MAGI2: variants seen among roughly 807,000 people sequenced by gnomAD.
MAGI2 encodes membrane associated guanylate kinase, WW and PDZ domain containing 2.
A neutral mutation model predicts 133.3 loss-of-function variants in MAGI2; 35 were observed. The ratio of observed to expected loss-of-function variants is 0.26; its 90% CI spans 0.20 to 0.35. The LOEUF is 0.35. MAGI2 is among the 10% of genes least tolerant of loss of function. The pLI is 1.00. For missense variants in MAGI2, 1,636 were observed against 1,863.4 expected (o/e 0.88, Z 2.25); for synonymous variants, 729 against 710.6 (o/e 1.03, Z -0.41).
intron 1 of MAGI2, among the ~76,000 whole-genome samples, chr7:79,010,037 T>C (rs548841783): frequency 7.9e-5 from 12 of 152,100 alleles, no homozygotes; most frequent in South Asian, 2.1e-4. Flanking sequence ...AAAACACACA[T>C]ATATATATAC....
At chr7:79,350,135 C>T (rs1841594389) in intron 1 of MAGI2, among the ~76,000 whole-genome samples, 1 of 152,060 alleles carries the variant, frequency 6.6e-6, no homozygotes, top group Admixed American at 6.6e-5. Context: ...CACTTAAAAT[C>T]AGACCACTGC....
intron 1 of MAGI2, among the ~76,000 whole-genome samples, chr7:79,060,111 A>G (rs1813583331): frequency 6.6e-6 from 1 of 152,102 alleles, no homozygotes; most frequent in Non-Finnish European, 1.5e-5. Context: ...TGCAAAATTA[A>G]TGATGACCCC....
At chr7:78,404,029 A>G (rs889212881) in intron 6 of MAGI2, among the ~76,000 whole-genome samples, 4 of 152,124 alleles carry the variant, frequency 2.6e-5, no homozygotes, top group African/African-American at 9.7e-5. Context: ...TAACAGACAA[A>G]CAGAGAGCCA....
intron 14 of MAGI2, among the ~76,000 whole-genome samples, chr7:78,172,931 T>G (rs928134680): frequency 2.6e-5 from 4 of 152,252 alleles, no homozygotes; most frequent in African/African-American, 7.2e-5. Flanking sequence ...TTTTCAGGAC[T>G]AATTTTTTGG....
intron 1 of MAGI2, among the ~76,000 whole-genome samples, chr7:79,356,397 G>C (rs1326722939): frequency 6.6e-6 from 1 of 152,128 alleles, no homozygotes; most frequent in Non-Finnish European, 1.5e-5. Flanking sequence ...TATTCAGTAA[G>C]TCACGACTTC....
chr7:78,272,192 C>T (rs1177172676), intron 9 of MAGI2, among the ~76,000 whole-genome samples: 1 of 152,130 alleles, frequency 6.6e-6, no homozygotes. Context: ...GCCTTCATTT[C>T]GTTATTTACC....
At chr7:79,106,759 T>G (rs1818487692) in intron 1 of MAGI2, among the ~76,000 whole-genome samples, 1 of 152,218 alleles carries the variant, frequency 6.6e-6, no homozygotes, top group Admixed American at 6.5e-5. Context: ...GTTCTCTAAG[T>G]GTTTAAGAAA....
chr7:79,138,007 G>T (rs1364135155), intron 1 of MAGI2, among the ~76,000 whole-genome samples: 1 of 152,158 alleles, frequency 6.6e-6, no homozygotes, highest in African/African-American at 2.4e-5. Flanking sequence ...GAGCTTTGAA[G>T]ATGGTGGAAG....
chr7:79,322,992 T>A (rs1190744391), intron 1 of MAGI2, among the ~76,000 whole-genome samples: 1 of 151,930 alleles, frequency 6.6e-6, no homozygotes, highest in Admixed American at 6.6e-5. Flanking sequence ...GCATGCACCA[T>A]TACTCCTCAG....
chr7:78,372,940 G>A (rs577292603), intron 6 of MAGI2, among the ~76,000 whole-genome samples: 1 of 152,186 alleles, frequency 6.6e-6, no homozygotes, highest in South Asian at 2.1e-4. Context: ...GCACTGAGAA[G>A]GGCACAGCTT....
intron 6 of MAGI2, among the ~76,000 whole-genome samples, chr7:78,442,676 A>G (rs974791587): frequency 3.3e-5 from 5 of 152,190 alleles, no homozygotes; most frequent in Non-Finnish European, 7.3e-5. Flanking sequence ...TAATCCCCTA[A>G]ATAACAAGCT....
chr7:78,597,376 G>T (rs1006700653), intron 3 of MAGI2, among the ~76,000 whole-genome samples: 3 of 19,164 alleles, frequency 1.6e-4, no homozygotes, highest in South Asian at 1.2e-3. Flanking sequence ...GAATTCCTTG[G>T]GGGGGGGGGT....
chr7:78,549,551 A>T (rs1423650346), intron 3 of MAGI2, among the ~76,000 whole-genome samples: 2 of 152,100 alleles, frequency 1.3e-5, no homozygotes, highest in Non-Finnish European at 2.9e-5. Context: ...GAGATGGCTC[A>T]TAGTGCTCCA....
intron 7 of MAGI2, among the ~76,000 whole-genome samples, chr7:78,364,294 C>T (rs1793152061): frequency 6.6e-6 from 1 of 151,672 alleles, no homozygotes; most frequent in Non-Finnish European, 1.5e-5. Flanking sequence ...AACTTTTTTT[C>T]CTAGAAAATT....
intron 1 of MAGI2, among the ~76,000 whole-genome samples, chr7:79,044,216 A>T (rs570292848): frequency 9.2e-5 from 14 of 152,214 alleles, no homozygotes; most frequent in Non-Finnish European, 1.3e-4. Context: ...GCAGCACATA[A>T]AAAAGATAAT....
intron 11 of MAGI2, among the ~76,000 whole-genome samples, chr7:78,199,911 C>A (rs185711140): frequency 6.6e-6 from 1 of 152,286 alleles, no homozygotes; most frequent in Admixed American, 6.5e-5. Context: ...ATAATTGTAG[C>A]ACCATGATGA....
intron 2 of MAGI2, among the ~76,000 whole-genome samples, chr7:78,909,677 T>C (rs993895311): frequency 2.6e-5 from 4 of 151,574 alleles, no homozygotes; most frequent in Non-Finnish European, 4.4e-5. Flanking sequence ...GGAACACTTT[T>C]ACACTATTGG....
intron 2 of MAGI2, among the ~76,000 whole-genome samples, chr7:78,816,778 C>A (rs117343543): frequency 2.0e-5 from 3 of 152,164 alleles, no homozygotes; most frequent in African/African-American, 4.8e-5. Context: ...ATTGACAATG[C>A]ACTTGGTCAC....
chr7:78,729,124 T>C lies in MAGI2; in HGVS notation c.419-101885A>G, dbSNP rs1821122534. ...CTTTACAATGTGTTAGATATTTTACTCACTCAAGATCTTGTGATTAAAAAT... is the reference window on the plus strand; with the variant it reads ...CTTTACAATGTGTTAGATATTTTACCCACTCAAGATCTTGTGATTAAAAAT... On this transcript the variant is annotated intron_variant, in intron 2 of 21. Coordinates refer to ENST00000354212, the MANE Select transcript of MAGI2 (RefSeq NM_012301.4). 1.3e-5 allele frequency among the ~76,000 whole-genome samples: 2 copies of C among 152,214 alleles called. 1 individual carries two copies. The highest frequency in any genetic ancestry group is 4.1e-4 in the South Asian group (2 of 4,830).
Sources: gnomAD v4.1 joint callset for allele counts (sites outside exome capture counted in the v4.1 genomes callset) on GRCh38, gnomAD v4.1.1 for gene constraint, MANE v1.5 for transcripts, NCBI Gene and HGNC (gene_info 2026-07-23, HGNC 2026-07-21) for gene names.